ATXN10: variants seen among roughly 807,000 people sequenced by gnomAD.
The protein encoded by ATXN10 is ataxin-10.
In ATXN10, 28 loss-of-function variants were observed where a neutral mutation model predicts 52.9. That is an observed-to-expected ratio of 0.53 (90% CI 0.39 to 0.73). ATXN10 has a LOEUF of 0.73. Ranked by LOEUF, ATXN10 falls within the 30% of genes least tolerant of loss-of-function variation. The pLI is 0.00. For missense variants in ATXN10, 565 were observed against 577.0 expected, an observed-to-expected ratio of 0.98 and a Z score of 0.21; for synonymous variants, 226 against 221.5, an observed-to-expected ratio of 1.02 and a Z score of -0.18.
In ATXN10 at chr22:45,786,220, G is replaced by A. The variant is rs1927317742; in HGVS notation, c.1174-20739G>A. On this transcript the variant is annotated intron_variant, in intron 9 of 11. Coordinates refer to ENST00000252934, the MANE Select transcript of ATXN10 (RefSeq NM_013236.4). The surrounding 1 kb of genome is among the most constrained non-coding windows in gnomAD (Gnocchi z 4.1). ...ATCACATTGTGTTTTGTACTTCCGG[G>A]TACTTTAAGAGCCTCTGCCATTACT... is the stretch of plus-strand genomic sequence containing the variant. Among the ~76,000 whole-genome samples the A allele has an allele frequency of 6.6e-6, 1 of 152,094 alleles. No individual in the cohort carries two copies. Among genetic ancestry groups the A allele is most frequent in the Non-Finnish European group, 1.5e-5 (1 of 68,030 alleles).
chr22:45,842,858 A>G lies in ATXN10; in HGVS notation c.1238-133A>G. On this transcript the variant is annotated intron_variant, in intron 10 of 11. Transcript: ENST00000252934. The surrounding 1 kb of genome is among the most constrained non-coding windows in gnomAD (Gnocchi z 4.8). The stretch of plus-strand genomic sequence containing the variant: ...CTTGAGATGCATATTCAGAGAATGC[A>G]TCCTCAAGAAAACTTGTGGATTGAT... 1 of 976,730 alleles carries G rather than the reference A, an allele frequency of 1.0e-6. No individual in the cohort carries two copies. The highest frequency in any genetic ancestry group is 1.9e-5 in the Admixed American group (1 of 51,856). The allele number at this position is 976,730 out of a possible 1,614,324, so 60.5% of individuals were successfully genotyped here.
intron 5 of ATXN10, among the ~76,000 whole-genome samples, chr22:45,711,827 G>A (rs1601601273): frequency 6.6e-6 from 1 of 152,142 alleles, no homozygotes; most frequent in South Asian, 2.1e-4. Context: ...CAGACAGTTG[G>A]CTTTGTATGC....
chr22:45,729,327 AAAT>A lies in ATXN10; in HGVS notation c.729-90_729-88del, dbSNP rs893766633. 1.0e-4 allele frequency: 132 copies of A among 1,261,910 alleles called. No homozygotes were observed. In the African/African-American group the frequency reaches 1.7e-3, roughly 16 times the overall value. The allele number at this position is 1,261,910 out of a possible 1,614,324, so 78.2% of individuals were successfully genotyped here. On this transcript the variant is annotated intron_variant, in intron 6 of 11. Coordinates refer to ENST00000252934, the MANE Select transcript of ATXN10 (RefSeq NM_013236.4). ...CATTAGAAGCAAGGTAAGGAATTTAAAATAATAATATTCCCTTAAAGTTGCTTT... is the reference window on the plus strand; with the variant it reads ...CATTAGAAGCAAGGTAAGGAATTTAAAATAATATTCCCTTAAAGTTGCTTT...
Position 45,700,336 on chromosome 22 carries a change from C to G in ATXN10, c.446C>G (p.Ser149Cys), listed in dbSNP as rs140406039. Reference protein sequence around the residue: ...LGNIASRNEDSQSIVWVHAFP... With the variant: ...LGNIASRNEDCQSIVWVHAFP... The stretch of plus-strand genomic sequence containing the variant: ...AACATTGCCTCACGGAATGAAGATT[C>G]CCAGTCTATTGTTTGGGTGCATGCT... The change falls in exon 4 of 12, where the codon TCC becomes TGC. Residue 149 changes from serine to cysteine, a missense_variant. By Grantham distance (112) the Ser-to-Cys change is moderately radical. Coordinates refer to ENST00000252934, the MANE Select transcript of ATXN10 (RefSeq NM_013236.4). 1.9e-6 allele frequency: 3 copies of G among 1,613,930 alleles called. No individual in the cohort carries two copies. The highest frequency in any genetic ancestry group is 2.5e-6 in the Non-Finnish European group (3 of 1,179,982).
At chr22:45,699,485 C>CT (rs1923750736) in intron 3 of ATXN10, among the ~76,000 whole-genome samples, 3 of 114,816 alleles carry the variant, frequency 2.6e-5, no homozygotes, top group African/African-American at 3.2e-5. Context: ...TTTTCTTTTT[C>CT]TTTCCTTTTT....
intron 5 of ATXN10, among the ~76,000 whole-genome samples, chr22:45,707,458 A>G (rs1016855040): frequency 6.6e-6 from 1 of 152,102 alleles, no homozygotes; most frequent in Non-Finnish European, 1.5e-5. Flanking sequence ...TTTGTATGCA[A>G]ATGTAACATG....
At chr22:45,729,774 C>T (rs1377973004) in intron 7 of ATXN10, 184 bp downstream of exon 7, 2 of 727,512 alleles carry the variant, frequency 2.7e-6, no homozygotes, top group Middle Eastern at 6.9e-4. Flanking sequence ...TCCTACCATC[C>T]AGAGTCAATG....
At chr22:45,735,295 AT>A (rs113418865) in intron 7 of ATXN10, among the ~76,000 whole-genome samples, 70 of 146,142 alleles carry the variant, frequency 4.8e-4, no homozygotes, top group Non-Finnish European at 4.1e-4. Flanking sequence ...CTTTCCACTA[AT>A]TTTTTTTTTT....
At chr22:45,752,722 G>T (rs1926026334) in intron 9 of ATXN10, among the ~76,000 whole-genome samples, 1 of 151,974 alleles carries the variant, frequency 6.6e-6, no homozygotes, top group Non-Finnish European at 1.5e-5. Context: ...ATTATTTTGT[G>T]GTTCTTTTTC....
At chr22:45,721,623 A>T (rs1924654481) in intron 6 of ATXN10, among the ~76,000 whole-genome samples, 1 of 152,226 alleles carries the variant, frequency 6.6e-6, no homozygotes, top group South Asian at 2.1e-4. Flanking sequence ...TATTACTGCA[A>T]CTACAAGTCT....
Position 45,789,421 on chromosome 22 carries a change from A to G in ATXN10, c.1174-17538A>G, listed in dbSNP as rs1379861593. On this transcript the variant is annotated intron_variant, in intron 9 of 11. Transcript: ENST00000252934. This position sits in a 1 kb window ranked among gnomAD's most constrained non-coding sequence, Gnocchi z 4.0. The stretch of plus-strand genomic sequence containing the variant: ...ATCTCGGGACCGGGCAAGGGATGCA[A>G]GGATGAGTGGAAACATGGCTCTTGT... Among the ~76,000 whole-genome samples, 1 of 152,188 alleles carries G rather than the reference A, an allele frequency of 6.6e-6. No individual in the cohort carries two copies. The highest frequency in any genetic ancestry group is 1.5e-5 in the Non-Finnish European group (1 of 68,036).
chr22:45,822,351 C>CT (rs967647313), intron 10 of ATXN10, among the ~76,000 whole-genome samples: 4 of 152,106 alleles, frequency 2.6e-5, no homozygotes, highest in Admixed American at 6.5e-5. Flanking sequence ...GCATGTATAT[C>CT]TTTATCTTAG....
intron 3 of ATXN10, among the ~76,000 whole-genome samples, chr22:45,699,632 C>T (rs1923761518): frequency 6.6e-6 from 1 of 150,746 alleles, no homozygotes; most frequent in East Asian, 2.0e-4. Flanking sequence ...GCTGGGATTA[C>T]AGACGCCTTC....
At chr22:45,738,548 A>T in intron 7 of ATXN10, 183 bp from the exon 8 acceptor site, 1 of 568,900 alleles carries the variant, frequency 1.8e-6, no homozygotes, top group South Asian at 2.2e-5. Flanking sequence ...AGTGAAAATG[A>T]TGAGTCGTGT....
Position 45,841,400 on chromosome 22 carries a change from T to G in ATXN10, c.1238-1591T>G, listed in dbSNP as rs2146920579. ...CTCCAAAGACCAGCAGGTCATTCAC[T>G]CAGCACATGTTGGTTGGTCCTTTGC... On this transcript the variant is annotated intron_variant, in intron 10 of 11. Coordinates refer to ENST00000252934, the MANE Select transcript of ATXN10 (RefSeq NM_013236.4). The surrounding 1 kb of genome is among the most constrained non-coding windows in gnomAD (Gnocchi z 5.1). Among the ~76,000 whole-genome samples the G allele has an allele frequency of 6.6e-6, 1 of 152,336 alleles. No individual in the cohort carries two copies. Among genetic ancestry groups the G allele is most frequent in the Middle Eastern group, 3.4e-3 (1 of 294 alleles).
chr22:45,740,709 CACACACACACATATAT>C (rs1569044439), intron 9 of ATXN10, 171 bp downstream of exon 9: 16 of 396,230 alleles, frequency 4.0e-5, no homozygotes, highest in Non-Finnish European at 4.9e-5. Context: ...CACACACACA[CACACACACACATATAT>C]ATACACACAC....
rs1928601389 is a variant in ATXN10 at position 45,820,193 on chromosome 22, A to G, written c.1237+13171A>G. 6.6e-6 allele frequency among the ~76,000 whole-genome samples: 1 copy of G among 152,228 alleles called. No homozygotes were observed. Among genetic ancestry groups the G allele is most frequent in the Non-Finnish European group, 1.5e-5 (1 of 68,044 alleles). On this transcript the variant is annotated intron_variant, in intron 10 of 11. Coordinates refer to ENST00000252934, the MANE Select transcript of ATXN10 (RefSeq NM_013236.4). This position sits in a 1 kb window ranked among gnomAD's most constrained non-coding sequence, Gnocchi z 4.9. Reference sequence around the variant, plus strand: ...ATTCTGTGAAGGGTTCTTCGAAGGAAAATCTCTAATGGGACTTATAAGCAG... The same window carrying G: ...ATTCTGTGAAGGGTTCTTCGAAGGAGAATCTCTAATGGGACTTATAAGCAG...
chr22:45,680,324 A>G (rs1055512200), intron 1 of ATXN10, among the ~76,000 whole-genome samples: 2 of 152,208 alleles, frequency 1.3e-5, no homozygotes, highest in Non-Finnish European at 2.9e-5. Context: ...ATCAAAAGAC[A>G]TTTAAAAAGA....
rs369895213 is a variant in ATXN10, at chr22:45,755,516, C to T, written c.1173+14978C>T. Among the ~76,000 whole-genome samples the T allele has an allele frequency of 9.2e-5, 14 of 152,214 alleles. No individual in the cohort carries two copies. The East Asian group carries it at 9.7e-4, about 10-fold the overall frequency. On this transcript the variant is annotated intron_variant, in intron 9 of 11. Transcript: ENST00000252934. Reference sequence around the variant, plus strand: ...TCCTTTCCCCTTCCCTCCTCCTGGCCGCACTAAGTTCTGGGGTTGGTTACT... The same window carrying T: ...TCCTTTCCCCTTCCCTCCTCCTGGCTGCACTAAGTTCTGGGGTTGGTTACT...
Sources: gnomAD v4.1 joint callset for allele counts (sites outside exome capture counted in the v4.1 genomes callset) on GRCh38, gnomAD v4.1.1 for gene constraint, Gnocchi (gnomAD v3.1) non-coding constraint, MANE v1.5 for transcripts, NCBI Gene and HGNC (gene_info 2026-07-23, HGNC 2026-07-21) for gene names.